Variants in RDH13 observed in about 807,000 individuals in gnomAD.
The protein encoded by RDH13 is retinol dehydrogenase 13 (all-trans and 9-cis).
In RDH13, 35 loss-of-function variants were observed where a neutral mutation model predicts 28.3. The observed-to-expected ratio is 1.24, with a 90% CI of 0.95 to 1.64. RDH13 has a LOEUF of 1.64. RDH13 is among the 40% of genes most tolerant of loss of function. The probability of loss-of-function intolerance (pLI) is 0.00; values close to 1 mark genes in which losing one functional copy is unlikely to be tolerated. For synonymous variants in RDH13, 229 were observed against 198.5 expected (o/e 1.15, Z -1.29); for missense variants, 514 against 446.3 (o/e 1.15, Z -1.37).
At chr19:55,062,807 G>A (rs2075846407) in intron 1 of RDH13, among the ~76,000 whole-genome samples, 161 bp downstream of exon 1, 1 of 152,252 alleles carries the variant, frequency 6.6e-6, no homozygotes, top group Admixed American at 6.5e-5. Context: ...CCGGTGACCT[G>A]GCCGGCCAGA....
chr19:55,061,685 G>A (rs977012927), intron 1 of RDH13, among the ~76,000 whole-genome samples: 1 of 151,844 alleles, frequency 6.6e-6, no homozygotes, highest in East Asian at 1.9e-4. Context: ...TCAGCTACTC[G>A]GGAGGCTGAA....
chr19:55,066,414 C>A (rs76438585), upstream of RDH13, among the ~76,000 whole-genome samples: 2 of 151,204 alleles, frequency 1.3e-5, no homozygotes, highest in Non-Finnish European at 2.9e-5. Context: ...GTCTCCTTTT[C>A]TCTTCCTCTC....
At chr19:55,056,584 A>G (rs1205138875) in intron 3 of RDH13, 69 bp downstream of exon 3, 8 of 1,553,142 alleles carry the variant, frequency 5.2e-6, no homozygotes, top group African/African-American at 2.7e-5. Flanking sequence ...TGCTTCATTC[A>G]CTTCTCAGAG....
chr19:55,044,973 C>G lies in RDH13; in HGVS notation c.*101G>C, dbSNP rs945834329. ...ACTGCGGGCATGGCGGCCGCCAGTC[C>G]TGGGTCTCCCGGCTCAGGTAGTGCC... is the stretch of plus-strand genomic sequence containing the variant. On this transcript the variant is annotated 3_prime_UTR_variant, in exon 7 of 7. Transcript: ENST00000415061. 5.5e-6 allele frequency: 5 copies of G among 910,772 alleles called. No individual in the cohort carries two copies. In the Admixed American group the frequency reaches 7.8e-5, roughly 14 times the overall value. 56.4% of individuals were successfully genotyped at this position (910,772 alleles called of 1,614,324 possible).
At chr19:55,053,514 G>A (rs903102158) in intron 3 of RDH13, among the ~76,000 whole-genome samples, 1 of 151,974 alleles carries the variant, frequency 6.6e-6, no homozygotes. Context: ...AAATTAGCCG[G>A]GCGTGGTGGC....
At position 55,045,150 on chromosome 19, in the gene RDH13, C is replaced by T. The variant is rs778886137; in HGVS notation, c.920G>A (p.Arg307Gln). ...GCGGGCACTTTCAGCCCAAAGCCTC[C>T]GGGCCACCTCCTCATCCTCAGCCTC... ...APEAEDEEVA[R>Q]RLWAESARLV... The change falls in exon 7 of 7, where the codon CGG becomes CAG. Residue 307 changes from arginine (R) to glutamine (Q), a missense_variant. Coordinates refer to ENST00000415061, the MANE Select transcript of RDH13 (RefSeq NM_001145971.2). 16 of 1,613,574 alleles carry T rather than the reference C, an allele frequency of 9.9e-6. No homozygotes were observed. Among genetic ancestry groups the T allele is most frequent in the South Asian group, 3.3e-5 (3 of 91,072 alleles).
upstream of RDH13, among the ~76,000 whole-genome samples, chr19:55,065,800 C>G (rs573402680): frequency 6.6e-6 from 1 of 152,190 alleles, no homozygotes; most frequent in Non-Finnish European, 1.5e-5. Flanking sequence ...TCACTGCAAC[C>G]TCTGCCTCCT....
chr19:55,059,131 GAGAGCCAA>G lies in RDH13; in HGVS notation c.184+18_184+25del. The G allele has an allele frequency of 1.4e-6, 2 of 1,447,830 alleles. No homozygotes were observed. Among genetic ancestry groups the G allele is most frequent in the Non-Finnish European group, 1.9e-6 (2 of 1,047,846 alleles). 89.7% of individuals were successfully genotyped at this position (1,447,830 alleles called of 1,614,324 possible). ...AGCATGGATGTACAGATATCTCTCT[GAGAGCCAA>G]AGCAGGGGAGATTTTACCTCTCCTG... On this transcript the variant is annotated intron_variant, in intron 2 of 6. Transcript: ENST00000415061.
chr19:55,056,065 A>T (rs2075621676), intron 3 of RDH13, among the ~76,000 whole-genome samples: 1 of 151,472 alleles, frequency 6.6e-6, no homozygotes, highest in South Asian at 2.1e-4. Flanking sequence ...GAAGCAGGAG[A>T]ATCATTTGAA....
intron 2 of RDH13, 41 bp from the exon 3 acceptor site, chr19:55,056,849 A>C: frequency 6.6e-7 from 1 of 1,515,652 alleles, no homozygotes; most frequent in Non-Finnish European, 9.0e-7. Flanking sequence ...TTAATAATCC[A>C]CTCCTGGGTA....
chr19:55,058,490 A>T (rs2075707814), intron 2 of RDH13, among the ~76,000 whole-genome samples: 1 of 151,686 alleles, frequency 6.6e-6, no homozygotes, highest in Admixed American at 6.6e-5. Context: ...TTCCGTTTCC[A>T]TTAAACAGTA....
intron 3 of RDH13, among the ~76,000 whole-genome samples, chr19:55,053,141 C>T (rs978197263): frequency 1.3e-5 from 2 of 152,044 alleles, no homozygotes; most frequent in Admixed American, 6.6e-5. Flanking sequence ...ATCTCACAAA[C>T]TGATCTTCCC....
chr19:55,047,015 G>A, intron 6 of RDH13: 1 of 613,498 alleles, frequency 1.6e-6, no homozygotes, highest in Non-Finnish European at 2.3e-6. Flanking sequence ...TCCTATTAAG[G>A]CCTGCACTCT....
intron 1 of RDH13, among the ~76,000 whole-genome samples, chr19:55,059,603 G>A (rs1364098847): frequency 4.6e-5 from 7 of 151,528 alleles, no homozygotes; most frequent in East Asian, 3.9e-4. Context: ...GGGCGGGGGC[G>A]GATCACTTGA....
intron 5 of RDH13, 78 bp downstream of exon 5, chr19:55,048,251 C>T (rs756023134): frequency 6.3e-7 from 1 of 1,591,502 alleles, no homozygotes; most frequent in Admixed American, 1.8e-5. Flanking sequence ...TTTGGCCTCC[C>T]ATCAGCCTAG....
chr19:55,056,470 T>TAATA (rs3060075), intron 3 of RDH13, among the ~76,000 whole-genome samples, 183 bp downstream of exon 3: 132,813 of 151,528 alleles, frequency 0.88, 58,391 homozygotes, highest in East Asian at 0.97. Context: ...ATAACAGTAG[T>TAATA]AATAAATAAA....
chr19:55,054,583 C>T (rs767266687), intron 3 of RDH13, among the ~76,000 whole-genome samples: 1 of 151,970 alleles, frequency 6.6e-6, no homozygotes, highest in Non-Finnish European at 1.5e-5. Context: ...AAGACTCCAT[C>T]TCAAAAAAAA....
At chr19:55,039,301 G>A (rs1294709901) in exon 3 of RDH13, 1 of 152,248 alleles carries the variant, frequency 6.6e-6, no homozygotes, top group Non-Finnish European at 1.5e-5. Flanking sequence ...GGAGGCCGAG[G>A]CGGGCGGATC....
chr19:55,053,207 C>G (rs2075513952), intron 3 of RDH13, among the ~76,000 whole-genome samples: 1 of 152,202 alleles, frequency 6.6e-6, no homozygotes, highest in Non-Finnish European at 1.5e-5. Context: ...TGCACCTGGC[C>G]TGCCCCAGTG....
Sources: allele counts gnomAD v4.1 joint callset (sites outside exome capture counted in the v4.1 genomes callset), GRCh38; gene constraint gnomAD v4.1.1; transcripts MANE v1.5; gene names NCBI Gene and HGNC (gene_info 2026-07-23, HGNC 2026-07-21).